The following SPAG16 variants were observed in gnomAD, a reference collection of about 807,000 sequenced individuals.
SPAG16 encodes sperm-associated antigen 16 protein.
In SPAG16, 86 loss-of-function variants were observed where a neutral mutation model predicts 80.4. The ratio of observed to expected loss-of-function variants is 1.07; its 90% CI spans 0.90 to 1.28. The LOEUF (loss-of-function observed/expected upper bound fraction) is 1.28, where lower values mean the gene tolerates loss of function less well. Ranked by LOEUF, SPAG16 falls within the 50% of genes most tolerant of loss-of-function variation. SPAG16 has a pLI of 0.00. For missense variants in SPAG16, 870 were observed against 765.3 expected (o/e 1.14, Z -1.61); for synonymous variants, 294 against 265.9 (o/e 1.11, Z -1.03).
intron 10 of SPAG16, among the ~76,000 whole-genome samples, chr2:213,687,585 C>T (rs1482460499): frequency 2.0e-5 from 3 of 152,150 alleles, no homozygotes; most frequent in Non-Finnish European, 1.5e-5. Flanking sequence ...TGTTGCTCAA[C>T]TGACTGCTTA....
chr2:213,927,907 A>G (rs938292386), intron 11 of SPAG16, among the ~76,000 whole-genome samples: 2 of 152,236 alleles, frequency 1.3e-5, no homozygotes, highest in African/African-American at 2.4e-5. Context: ...ATTTTTTTAC[A>G]TGCATGTTTT....
chr2:214,231,878 T>C (rs1163479634), intron 15 of SPAG16, among the ~76,000 whole-genome samples: 2 of 152,106 alleles, frequency 1.3e-5, no homozygotes, highest in African/African-American at 4.8e-5. Flanking sequence ...AAGAATGAGA[T>C]TAAAATTTTA....
chr2:214,202,769 C>T (rs2058044771), intron 15 of SPAG16, among the ~76,000 whole-genome samples: 1 of 152,128 alleles, frequency 6.6e-6, no homozygotes, highest in Non-Finnish European at 1.5e-5. Context: ...CTAAGATACA[C>T]AAATAAATGG....
At chr2:214,306,853 T>C (rs1260083479) in intron 15 of SPAG16, among the ~76,000 whole-genome samples, 1 of 152,080 alleles carries the variant, frequency 6.6e-6, no homozygotes, top group Non-Finnish European at 1.5e-5. Flanking sequence ...TTGTTTTTGT[T>C]ATTGTATCCC....
chr2:213,852,088 T>C (rs1188532360), intron 10 of SPAG16, among the ~76,000 whole-genome samples: 1 of 152,230 alleles, frequency 6.6e-6, no homozygotes, highest in Non-Finnish European at 1.5e-5. Flanking sequence ...TGACTTTTAT[T>C]GCATTTGCAT....
chr2:213,293,714 G>A (rs2126063932), intron 1 of SPAG16, among the ~76,000 whole-genome samples: 1 of 152,282 alleles, frequency 6.6e-6, no homozygotes, highest in South Asian at 2.1e-4. Flanking sequence ...GATTCTACCA[G>A]ATAAACCACT....
chr2:214,183,685 T>C (rs1030190238), intron 15 of SPAG16, among the ~76,000 whole-genome samples: 3 of 152,096 alleles, frequency 2.0e-5, no homozygotes, highest in Non-Finnish European at 2.9e-5. Context: ...CTATCACTCC[T>C]GTCTCATTTT....
chr2:214,108,278 C>T lies in SPAG16; in HGVS notation c.1593+17C>T, dbSNP rs771517237. ...GATCCCAGGGTAAGTTCAGTTCTCC[C>T]AGTAAACTGTTTTTAATGCTTCATA... On this transcript the variant is annotated intron_variant, in intron 14 of 15. Transcript: ENST00000331683. The T allele has an allele frequency of 5.0e-6, 8 of 1,588,488 alleles. No individual in the cohort carries two copies. Among genetic ancestry groups the T allele is most frequent in the African/African-American group, 1.4e-5 (1 of 74,060 alleles).
chr2:213,380,110 C>T (rs955876601), intron 9 of SPAG16, among the ~76,000 whole-genome samples: 1 of 152,186 alleles, frequency 6.6e-6, no homozygotes, highest in Non-Finnish European at 1.5e-5. Flanking sequence ...AAGTCCCTGA[C>T]CATCCAGCCA....
At chr2:213,755,147 T>C (rs2068264255) in intron 10 of SPAG16, among the ~76,000 whole-genome samples, 1 of 152,204 alleles carries the variant, frequency 6.6e-6, no homozygotes, top group South Asian at 2.1e-4. Context: ...ATTTGGTGCA[T>C]TTTGCAGGTT....
chr2:213,982,577 G>A (rs2045805353), intron 12 of SPAG16, among the ~76,000 whole-genome samples: 3 of 150,032 alleles, frequency 2.0e-5, no homozygotes. Flanking sequence ...GAAAACATAA[G>A]CAAATACAAC....
At chr2:214,338,855 G>A (rs1186216986) in intron 15 of SPAG16, among the ~76,000 whole-genome samples, 1 of 152,088 alleles carries the variant, frequency 6.6e-6, no homozygotes, top group Admixed American at 6.5e-5. Context: ...TGCGATTTTT[G>A]TTGTTTTTAA....
chr2:214,298,132 A>T, intron 15 of SPAG16, among the ~76,000 whole-genome samples: 1 of 5,722 alleles, frequency 1.7e-4, no homozygotes, highest in African/African-American at 4.1e-4. Flanking sequence ...ACACACACAC[A>T]CATACACATA....
chr2:213,962,873 A>G (rs1192587192), intron 12 of SPAG16, among the ~76,000 whole-genome samples: 1 of 152,180 alleles, frequency 6.6e-6, no homozygotes, highest in Non-Finnish European at 1.5e-5. Context: ...TAAGATTGGC[A>G]GTGAGGTCCT....
rs73988521 is a variant in SPAG16 at position 213,495,619 on chromosome 2, C to T, written c.1070+5529C>T. Among the ~76,000 whole-genome samples, 390 of 152,246 alleles carry T rather than the reference C, an allele frequency of 2.6e-3. 4 individuals are homozygous for T. The highest frequency in any genetic ancestry group is 8.6e-3 in the African/African-American group (357 of 41,556). ...GTAATAAGCCAATAGTGAACACATGCTGTATTTGATGGCCATAAATGCTGT... is the reference window on the plus strand; with the variant it reads ...GTAATAAGCCAATAGTGAACACATGTTGTATTTGATGGCCATAAATGCTGT... On this transcript the variant is annotated intron_variant, in intron 10 of 15. Coordinates refer to ENST00000331683, the MANE Select transcript of SPAG16 (RefSeq NM_024532.5).
intron 15 of SPAG16, among the ~76,000 whole-genome samples, chr2:214,347,957 T>G (rs765338668): frequency 1.1e-4 from 16 of 152,150 alleles, no homozygotes; most frequent in Non-Finnish European, 2.2e-4. Flanking sequence ...AGAATCATTC[T>G]TAGAGGGGCA....
intron 12 of SPAG16, among the ~76,000 whole-genome samples, chr2:214,001,342 G>A (rs2046779723): frequency 6.6e-6 from 1 of 152,006 alleles, no homozygotes; most frequent in Admixed American, 6.6e-5. Flanking sequence ...ACATTAAATG[G>A]TTCCTTGATG....
At position 213,305,711 on chromosome 2, in the gene SPAG16, C is replaced by T. The variant is rs751778803; in HGVS notation, c.280-4348C>T. ...CCTTGCATTCCAAGGATGAATCCCA[C>T]TTGGTCATGATGATGACCTTTTTAA... On this transcript the variant is annotated intron_variant, in intron 3 of 15. Transcript: ENST00000331683. Among the ~76,000 whole-genome samples, 147 of 152,130 alleles carry T rather than the reference C, an allele frequency of 9.7e-4. 1 individual carries two copies. The highest frequency in any genetic ancestry group is 2.4e-4 in the Non-Finnish European group (16 of 68,002).
intron 15 of SPAG16, among the ~76,000 whole-genome samples, chr2:214,303,769 T>C (rs1193039245): frequency 6.6e-6 from 1 of 152,226 alleles, no homozygotes; most frequent in Non-Finnish European, 1.5e-5. Flanking sequence ...TTGTTCACTT[T>C]ACATAATCCA....
Sources: gnomAD v4.1 joint callset for allele counts (sites outside exome capture counted in the v4.1 genomes callset) on GRCh38, gnomAD v4.1.1 for gene constraint, MANE v1.5 for transcripts, NCBI Gene and HGNC (gene_info 2026-07-23, HGNC 2026-07-21) for gene names.